Variants in TUSC3 observed in about 807,000 individuals in gnomAD.
The protein encoded by TUSC3 is tumor suppressor candidate 3.
A neutral mutation model predicts 44.8 loss-of-function variants in TUSC3; 45 were observed. That is an observed-to-expected ratio of 1.00 (90% CI 0.79 to 1.29). The LOEUF is 1.29. Among genes scored for constraint, TUSC3 ranks in the 50% most tolerant of loss-of-function variants. The pLI is 0.00. For synonymous variants in TUSC3, 212 were observed against 152.9 expected (o/e 1.39, Z -2.85); for missense variants, 519 against 437.9 (o/e 1.19, Z -1.65).
intron 1 of TUSC3, among the ~76,000 whole-genome samples, chr8:15,576,310 T>C (rs1803112129): frequency 6.7e-6 from 1 of 148,790 alleles, no homozygotes; most frequent in Admixed American, 6.7e-5. Flanking sequence ...ATTTTTTTAT[T>C]TATTTATTTT....
chr8:15,419,324 C>G lies in TUSC3; in HGVS notation n.91+2019C>G, dbSNP rs367824903. Reference sequence around the variant, plus strand: ...CAGGAAAGAATGAGCTATTGCAGTACTTCAGCTGTTGCATAACTTTCCGTG... The same window carrying G: ...CAGGAAAGAATGAGCTATTGCAGTAGTTCAGCTGTTGCATAACTTTCCGTG... On this transcript the variant is annotated intron_variant and non_coding_transcript_variant, in intron 1 of 5. Coordinates refer to the TUSC3 transcript ENST00000503191. Among the ~76,000 whole-genome samples, 933 of 152,324 alleles carry G rather than the reference C, an allele frequency of 6.1e-3. 9 individuals are homozygous for G. Among genetic ancestry groups the G allele is most frequent in the Admixed American group, 7.1e-3 (109 of 15,306 alleles).
chr8:15,729,971 TA>T (rs1418712396), intron 6 of TUSC3, among the ~76,000 whole-genome samples: 4 of 151,918 alleles, frequency 2.6e-5, no homozygotes, highest in Admixed American at 6.5e-5. Flanking sequence ...TCCAAGGTGT[TA>T]TTTTTTTTCT....
the TUSC3 span, among the ~76,000 whole-genome samples, chr8:15,850,408 C>T: frequency 1.3e-5 from 2 of 152,084 alleles, no homozygotes; most frequent in South Asian, 2.1e-4. Context: ...ATTCACTATA[C>T]AATAAATTTG....
chr8:15,540,659 C>G, intron 1 of TUSC3, 91 bp downstream of exon 1: 3 of 1,426,666 alleles, frequency 2.1e-6, no homozygotes, highest in East Asian at 2.7e-5. Flanking sequence ...TGCTAGGCAG[C>G]CTGGTCGCCG....
At chr8:15,518,406 A>G (rs1203139939) in intron 2 of TUSC3, among the ~76,000 whole-genome samples, 4 of 152,172 alleles carry the variant, frequency 2.6e-5, no homozygotes, top group African/African-American at 9.6e-5. Context: ...GAAAAATAGT[A>G]GGAAAAATAG....
intron 1 of TUSC3, among the ~76,000 whole-genome samples, chr8:15,473,301 T>C (rs1438102937): frequency 1.3e-5 from 2 of 152,236 alleles, no homozygotes; most frequent in African/African-American, 4.8e-5. Flanking sequence ...CTTGTGTGTT[T>C]ACAACACTGC....
At chr8:15,811,631 C>T in the TUSC3 span, among the ~76,000 whole-genome samples, 1 of 152,040 alleles carries the variant, frequency 6.6e-6, no homozygotes, top group Non-Finnish European at 1.5e-5. Flanking sequence ...TGAATGTGAG[C>T]GAACAGGTGA....
intron 1 of TUSC3, among the ~76,000 whole-genome samples, chr8:15,434,632 T>A (rs1799921774): frequency 6.6e-6 from 1 of 151,424 alleles, no homozygotes; most frequent in African/African-American, 2.4e-5. Flanking sequence ...CTGCACCCAT[T>A]AACTCGTCAT....
At chr8:15,581,012 C>G (rs1803305097) in intron 1 of TUSC3, among the ~76,000 whole-genome samples, 2 of 101,678 alleles carry the variant, frequency 2.0e-5, no homozygotes, top group Non-Finnish European at 3.8e-5. Flanking sequence ...AGGCTTTGCT[C>G]ATTTCTTTTT....
chr8:15,812,055 G>C, the TUSC3 span, among the ~76,000 whole-genome samples: 1 of 152,188 alleles, frequency 6.6e-6, no homozygotes. Context: ...GACACACGAT[G>C]CAAGACTACT....
chr8:15,782,522 T>G, the TUSC3 span, among the ~76,000 whole-genome samples: 1 of 152,166 alleles, frequency 6.6e-6, no homozygotes, highest in Non-Finnish European at 1.5e-5. Context: ...ACTCATATAT[T>G]AAACATTATT....
At chr8:15,824,804 C>A in the TUSC3 span, among the ~76,000 whole-genome samples, 1 of 152,164 alleles carries the variant, frequency 6.6e-6, no homozygotes, top group South Asian at 2.1e-4. Flanking sequence ...ATATAACTAT[C>A]ACAGAATTCC....
intron 1 of TUSC3, among the ~76,000 whole-genome samples, chr8:15,583,199 G>T (rs1221376067): frequency 6.6e-6 from 1 of 152,266 alleles, no homozygotes; most frequent in East Asian, 1.9e-4. Flanking sequence ...AAATTAAATA[G>T]TATACTTTAG....
chr8:15,487,132 C>T (rs1800743124), intron 2 of TUSC3, among the ~76,000 whole-genome samples: 1 of 152,076 alleles, frequency 6.6e-6, no homozygotes, highest in Non-Finnish European at 1.5e-5. Context: ...GAATATTTTC[C>T]TGTTTGTTTG....
At chr8:15,754,773 T>C (rs12678350) in intron 9 of TUSC3, among the ~76,000 whole-genome samples, 42,852 of 151,916 alleles carry the variant, frequency 0.28, 6,848 homozygotes, top group Admixed American at 0.4. Context: ...AGAACCGTGA[T>C]CATAATTGTC....
At chr8:15,425,899 T>G (rs1799797710) in intron 1 of TUSC3, among the ~76,000 whole-genome samples, 2 of 152,092 alleles carry the variant, frequency 1.3e-5, no homozygotes, top group African/African-American at 4.8e-5. Context: ...GCCTATAATC[T>G]CAACACTTTG....
intron 1 of TUSC3, among the ~76,000 whole-genome samples, chr8:15,473,694 A>T (rs1389911584): frequency 1.3e-5 from 2 of 152,164 alleles, no homozygotes; most frequent in African/African-American, 4.8e-5. Flanking sequence ...AGGACTTCAA[A>T]ATGGGAGGGG....
At chr8:15,489,137 A>C (rs1159703464) in intron 2 of TUSC3, among the ~76,000 whole-genome samples, 1 of 152,204 alleles carries the variant, frequency 6.6e-6, no homozygotes, top group African/African-American at 2.4e-5. Context: ...GATTTTATAC[A>C]TTTTAGAGGG....
At chr8:15,639,051 G>A (rs1247517881) in intron 2 of TUSC3, among the ~76,000 whole-genome samples, 2 of 144,958 alleles carry the variant, frequency 1.4e-5, no homozygotes, top group Non-Finnish European at 3.0e-5. Flanking sequence ...CAGGGCTCCA[G>A]TGATGATCAT....
Sources: allele counts gnomAD v4.1 joint callset (sites outside exome capture counted in the v4.1 genomes callset), GRCh38; gene constraint gnomAD v4.1.1; transcripts MANE v1.5; gene names NCBI Gene and HGNC (gene_info 2026-07-23, HGNC 2026-07-21).